GNB1L: variants seen among roughly 807,000 people sequenced by gnomAD.
The protein encoded by GNB1L is guanine nucleotide-binding protein subunit beta-like protein 1.
GNB1L carries 20 observed loss-of-function variants against 29.1 expected under a neutral mutation model. That is an observed-to-expected ratio of 0.69 (90% CI 0.48 to 1.00). The LOEUF is 1.00. Ranked by LOEUF, GNB1L falls within the 50% of genes least tolerant of loss-of-function variation. GNB1L has a pLI of 0.00. For missense variants in GNB1L, 421 were observed against 464.9 expected (o/e 0.91, Z 0.87); for synonymous variants, 193 against 206.5 (o/e 0.93, Z 0.56).
chr22:19,841,579 C>G (rs1171520413), intron 2 of GNB1L, among the ~76,000 whole-genome samples: 1 of 152,146 alleles, frequency 6.6e-6, no homozygotes, highest in Non-Finnish European at 1.5e-5. Flanking sequence ...GAGGTTAAGG[C>G]TGCAGTGAGC....
intron 2 of GNB1L, among the ~76,000 whole-genome samples, chr22:19,825,346 A>G (rs552616560): frequency 8.1e-4 from 123 of 152,380 alleles, no homozygotes; most frequent in African/African-American, 2.6e-3. Flanking sequence ...AAGGCCAGGC[A>G]TGGTGGCTCA....
chr22:19,846,086 C>G (rs1937953534), intron 2 of GNB1L: 1 of 152,220 alleles, frequency 6.6e-6, no homozygotes, highest in Non-Finnish European at 1.5e-5. Flanking sequence ...AATGGGATCC[C>G]CTGTTGGTCA....
chr22:19,812,512 G>GCA, intron 4 of GNB1L, 65 bp from the exon 5 acceptor site: 1 of 1,445,552 alleles, frequency 6.9e-7, no homozygotes. Flanking sequence ...CATGGCCCCT[G>GCA]CAGCGGAAGG....
At chr22:19,854,237 G>A (rs942988462) in intron 2 of GNB1L, among the ~76,000 whole-genome samples, 2 of 152,240 alleles carry the variant, frequency 1.3e-5, no homozygotes, top group African/African-American at 4.8e-5. Flanking sequence ...CACGGCGCAT[G>A]TGTGTTTGCC....
intron 7 of GNB1L, among the ~76,000 whole-genome samples, chr22:19,789,717 G>A (rs1296118953): frequency 2.6e-5 from 4 of 152,026 alleles, no homozygotes; most frequent in African/African-American, 4.8e-5. Context: ...GTGGTGGCAT[G>A]TGCCTGTAAT....
chr22:19,816,269 C>T lies in GNB1L; in HGVS notation c.255-3822G>A, dbSNP rs1332493044. Among the ~76,000 whole-genome samples, 1 of 152,228 alleles carries T rather than the reference C, an allele frequency of 6.6e-6. No individual in the cohort carries two copies. Among genetic ancestry groups the T allele is most frequent in the Admixed American group, 6.5e-5 (1 of 15,286 alleles). On this transcript the variant is annotated intron_variant, in intron 4 of 7. Coordinates refer to ENST00000329517, the MANE Select transcript of GNB1L (RefSeq NM_053004.3). The surrounding 1 kb of genome is among the most constrained non-coding windows in gnomAD (Gnocchi z 4.4). ...TGCGAGGCACACGATGTGACCTGCC[C>T]ACCATCAGGGGTGTCAACCCTGATC...
intron 2 of GNB1L, among the ~76,000 whole-genome samples, chr22:19,841,094 T>A (rs1325820848): frequency 6.6e-6 from 1 of 152,172 alleles, no homozygotes; most frequent in Admixed American, 6.5e-5. Context: ...AAAAGGACAT[T>A]AGGGCAAATT....
rs1937472241 is a variant in GNB1L, at chr22:19,809,331, C to T, written c.418-2574G>A. 2.0e-5 allele frequency among the ~76,000 whole-genome samples: 3 copies of T among 152,054 alleles called. No homozygotes were observed. In the South Asian group the frequency reaches 6.2e-4, roughly 32 times the overall value. On this transcript the variant is annotated intron_variant, in intron 5 of 7. Transcript: ENST00000329517. ...GGCAGTTGGAGGAGAGCCCAGGCCACCCAGCAGCCCAACTCCAGGGGAAAA... is the reference window on the plus strand; with the variant it reads ...GGCAGTTGGAGGAGAGCCCAGGCCATCCAGCAGCCCAACTCCAGGGGAAAA...
intron 2 of GNB1L, among the ~76,000 whole-genome samples, chr22:19,841,530 T>C (rs1214842587): frequency 6.6e-6 from 1 of 152,062 alleles, no homozygotes; most frequent in Non-Finnish European, 1.5e-5. Flanking sequence ...CCAGCTATGT[T>C]GGTGGCTGAA....
At chr22:19,847,122 A>G in intron 2 of GNB1L, 1 of 985,444 alleles carries the variant, frequency 1.0e-6, no homozygotes, top group Non-Finnish European at 1.2e-6. Context: ...GGTGACACAC[A>G]TTACTTGTGG....
intron 2 of GNB1L, chr22:19,851,367 G>C: frequency 6.2e-7 from 1 of 1,614,164 alleles, no homozygotes; most frequent in Non-Finnish European, 8.5e-7. Context: ...CTAGGGACAG[G>C]TGTGGGGGCT....
chr22:19,821,117 G>T, intron 3 of GNB1L, 111 bp downstream of exon 3: 1 of 1,077,008 alleles, frequency 9.3e-7, no homozygotes, highest in Non-Finnish European at 1.3e-6. Flanking sequence ...TGGGTGGCGA[G>T]CAGTCCATGC....
At chr22:19,827,713 A>G (rs1444545550) in intron 2 of GNB1L, among the ~76,000 whole-genome samples, 1 of 152,246 alleles carries the variant, frequency 6.6e-6, no homozygotes, top group Admixed American at 6.5e-5. Flanking sequence ...AAGACAGAGG[A>G]CAACTGGAAC....
intron 2 of GNB1L, chr22:19,847,326 C>T (rs1937983638): frequency 1.0e-6 from 1 of 985,282 alleles, no homozygotes. Flanking sequence ...GCTGACTGAT[C>T]CTGCAGGGTA....
intron 2 of GNB1L, chr22:19,852,365 G>A (rs1391784365): frequency 1.5e-6 from 2 of 1,296,188 alleles, no homozygotes; most frequent in Non-Finnish European, 2.1e-6. Flanking sequence ...TGGCTGAACA[G>A]GGCGTGGCAG....
chr22:19,799,820 C>T (rs979120007), intron 7 of GNB1L, among the ~76,000 whole-genome samples: 2 of 152,230 alleles, frequency 1.3e-5, no homozygotes, highest in Non-Finnish European at 2.9e-5. Context: ...AGCGCCCCCA[C>T]AGGCTTTCCC....
At chr22:19,810,705 G>A (rs769193393) in intron 5 of GNB1L, among the ~76,000 whole-genome samples, 1 of 152,228 alleles carries the variant, frequency 6.6e-6, no homozygotes, top group Non-Finnish European at 1.5e-5. Context: ...CCGGCCGAGT[G>A]GGGTGGGAGT....
chr22:19,834,790 G>T (rs1035406305), intron 2 of GNB1L, among the ~76,000 whole-genome samples: 1 of 145,612 alleles, frequency 6.9e-6, no homozygotes, highest in African/African-American at 2.5e-5. Flanking sequence ...GGGGATAGAA[G>T]AAAAAAAAAG....
intron 6 of GNB1L, 96 bp from the exon 7 acceptor site, chr22:19,802,312 T>C: frequency 1.1e-6 from 1 of 948,612 alleles, no homozygotes; most frequent in Non-Finnish European, 1.6e-6. Context: ...CCCCTCCTGC[T>C]GGCTGGGGCT....
Sources: gnomAD v4.1 joint callset for allele counts (sites outside exome capture counted in the v4.1 genomes callset) on GRCh38, gnomAD v4.1.1 for gene constraint, Gnocchi (gnomAD v3.1) non-coding constraint, MANE v1.5 for transcripts, NCBI Gene and HGNC (gene_info 2026-07-23, HGNC 2026-07-21) for gene names.